TMEM45A: variants seen among roughly 807,000 people sequenced by gnomAD.
TMEM45A encodes the protein DNA polymerase-transactivated protein 4.
TMEM45A carries 25 observed loss-of-function variants against 32.0 expected under a neutral mutation model. The ratio of observed to expected loss-of-function variants is 0.78; its 90% CI spans 0.57 to 1.09. The LOEUF (loss-of-function observed/expected upper bound fraction) is 1.09, where lower values mean the gene tolerates loss of function less well. TMEM45A is among the 50% of genes least tolerant of loss of function. The pLI is 0.00. For synonymous variants in TMEM45A, 122 were observed against 114.8 expected (o/e 1.06, Z -0.40); for missense variants, 302 against 325.0 (o/e 0.93, Z 0.54).
At chr3:100,519,654 A>G (rs1705397893) in intron 1 of TMEM45A, 1 of 1,536,378 alleles carries the variant, frequency 6.5e-7, no homozygotes, top group Non-Finnish European at 8.8e-7. Context: ...ATAATGTGAA[A>G]AGAGCAAGAA....
intron 1 of TMEM45A, among the ~76,000 whole-genome samples, chr3:100,509,484 C>T (rs1388037166): frequency 6.6e-6 from 1 of 152,134 alleles, no homozygotes; most frequent in Non-Finnish European, 1.5e-5. Context: ...ACCTGTACTC[C>T]CATGTTTATT....
intron 1 of TMEM45A, among the ~76,000 whole-genome samples, chr3:100,550,195 TAA>T (rs768800338): frequency 2.2e-5 from 3 of 133,374 alleles, no homozygotes; most frequent in Admixed American, 2.2e-4. Context: ...TAAAGCATAA[TAA>T]AAAAAAAAAA....
At chr3:100,545,315 G>A (rs1218431728) in intron 1 of TMEM45A, among the ~76,000 whole-genome samples, 2 of 152,164 alleles carry the variant, frequency 1.3e-5, no homozygotes, top group East Asian at 1.9e-4. Flanking sequence ...TGAATCTGAT[G>A]TGAGTAGGGA....
intron 1 of TMEM45A, among the ~76,000 whole-genome samples, chr3:100,493,295 T>C (rs959351145): frequency 6.6e-5 from 10 of 152,136 alleles, no homozygotes; most frequent in Admixed American, 6.5e-5. Flanking sequence ...AATCGTTTTT[T>C]ATCCCCAACT....
chr3:100,566,896 A>T (rs913064120), intron 4 of TMEM45A, among the ~76,000 whole-genome samples: 2 of 151,970 alleles, frequency 1.3e-5, no homozygotes, highest in Non-Finnish European at 2.9e-5. Flanking sequence ...ATCTCATCGG[A>T]TATATGATTT....
intron 1 of TMEM45A, among the ~76,000 whole-genome samples, chr3:100,498,008 G>C (rs1262772422): frequency 1.3e-5 from 2 of 152,190 alleles, no homozygotes; most frequent in African/African-American, 4.8e-5. Context: ...CACGTGGAGA[G>C]GGAGGGACCT....
At chr3:100,533,155 G>C (rs1005744788) in intron 1 of TMEM45A, among the ~76,000 whole-genome samples, 5 of 151,982 alleles carry the variant, frequency 3.3e-5, no homozygotes, top group African/African-American at 1.2e-4. Flanking sequence ...TGCAGTTGGC[G>C]AGGTCAACCA....
At chr3:100,497,035 C>T (rs2148922761) in intron 1 of TMEM45A, among the ~76,000 whole-genome samples, 1 of 152,268 alleles carries the variant, frequency 6.6e-6, no homozygotes, top group Admixed American at 6.5e-5. Flanking sequence ...ATTAATCATA[C>T]CCATTCTGGA....
intron 5 of TMEM45A, chr3:100,572,085 C>T (rs796589480): frequency 6.6e-6 from 1 of 152,196 alleles, no homozygotes; most frequent in Non-Finnish European, 1.5e-5. Flanking sequence ...TTTATAGCAG[C>T]ATGATTTATA....
intron 1 of TMEM45A, among the ~76,000 whole-genome samples, chr3:100,539,460 T>C (rs1208062011): frequency 7.7e-6 from 1 of 129,672 alleles, no homozygotes; most frequent in Non-Finnish European, 1.7e-5. Context: ...TATATGTATA[T>C]GTATATGTAT....
At chr3:100,536,592 A>G (rs1705744190) in intron 1 of TMEM45A, among the ~76,000 whole-genome samples, 1 of 152,278 alleles carries the variant, frequency 6.6e-6, no homozygotes, top group Non-Finnish European at 1.5e-5. Context: ...ATAAGCAGAC[A>G]GGCAGGAGCA....
intron 1 of TMEM45A, among the ~76,000 whole-genome samples, chr3:100,547,505 A>G (rs1297892847): frequency 6.6e-6 from 1 of 152,128 alleles, no homozygotes; most frequent in Admixed American, 6.6e-5. Flanking sequence ...TATATTTACT[A>G]TTCATTAAGT....
chr3:100,539,473 G>GCA (rs1214130606), intron 1 of TMEM45A, among the ~76,000 whole-genome samples: 4 of 141,126 alleles, frequency 2.8e-5, no homozygotes, highest in Non-Finnish European at 3.1e-5. Flanking sequence ...ATATGTATAT[G>GCA]TATATGTATA....
intron 1 of TMEM45A, chr3:100,519,342 A>C (rs1705380353): frequency 1.7e-6 from 1 of 571,890 alleles, no homozygotes; most frequent in South Asian, 2.3e-5. Flanking sequence ...GTGTTTGCTT[A>C]CTAGTTGCTT....
chr3:100,500,900 A>G (rs1402394495), intron 1 of TMEM45A, among the ~76,000 whole-genome samples: 1 of 152,250 alleles, frequency 6.6e-6, no homozygotes, highest in Non-Finnish European at 1.5e-5. Context: ...TTAAAAACAT[A>G]CACAATATTT....
intron 1 of TMEM45A, among the ~76,000 whole-genome samples, chr3:100,525,141 CT>C (rs1422795370): frequency 2.0e-5 from 3 of 151,778 alleles, no homozygotes; most frequent in Non-Finnish European, 4.4e-5. Context: ...TGAGCTATGA[CT>C]GAGCCACTGC....
Position 100,568,964 on chromosome 3 carries a change from C to T in TMEM45A, c.731C>T (p.Thr244Ile). ...VIVGMNYAFI[T>I]WLVKSRLKRL... ...GTTGGAATGAATTATGCTTTCATTA[C>T]CTGGTAAGTTAGCGATTTCTGTTAA... Residue 244 changes from threonine to isoleucine, a missense_variant, in exon 5 of 6, where the codon ACC (threonine) becomes ATC (isoleucine). Physicochemically the swap from Thr to Ile is moderately conservative, Grantham distance 89. Transcript: ENST00000323523. The T allele has an allele frequency of 6.2e-7, 1 of 1,609,054 alleles. No individual in the cohort carries two copies. Among genetic ancestry groups the T allele is most frequent in the Non-Finnish European group, 8.5e-7 (1 of 1,176,022 alleles).
Position 100,569,251 on chromosome 3 carries a change from C to T in TMEM45A, c.734+284C>T, listed in dbSNP as rs141127379. Among the ~76,000 whole-genome samples the T allele has an allele frequency of 1.2e-4, 19 of 152,274 alleles. 1 individual carries two copies. The East Asian group carries it at 3.7e-3, about 29-fold the overall frequency. On this transcript the variant is annotated intron_variant, in intron 5 of 5. Transcript: ENST00000323523. ...TCCATGTCTCCACATATGCTATTTC[C>T]TCTTCTCTCTTCTGAATGGTTTCCC...
intron 1 of TMEM45A, among the ~76,000 whole-genome samples, chr3:100,526,687 A>G (rs999397183): frequency 5.3e-5 from 8 of 152,206 alleles, no homozygotes; most frequent in African/African-American, 1.9e-4. Context: ...AGATGGAAAA[A>G]AATTATCTGC....
Sources: allele counts gnomAD v4.1 joint callset (sites outside exome capture counted in the v4.1 genomes callset), GRCh38; gene constraint gnomAD v4.1.1; transcripts MANE v1.5; gene names NCBI Gene and HGNC (gene_info 2026-07-23, HGNC 2026-07-21).